The following TMEM135 variants were observed in gnomAD, a reference collection of about 807,000 sequenced individuals.
TMEM135 encodes transmembrane protein 135.
TMEM135 carries 30 observed loss-of-function variants against 60.3 expected under a neutral mutation model. The observed-to-expected ratio is 0.50, with a 90% CI of 0.37 to 0.68. The LOEUF is 0.68. TMEM135 is among the 30% of genes least tolerant of loss of function. TMEM135 has a pLI of 0.00. For synonymous variants in TMEM135, 190 were observed against 186.7 expected, an observed-to-expected ratio of 1.02 and a Z score of -0.14; for missense variants, 468 against 548.8, an observed-to-expected ratio of 0.85 and a Z score of 1.47.
intron 3 of TMEM135, among the ~76,000 whole-genome samples, chr11:87,082,882 T>A (rs1857020539): frequency 6.6e-6 from 1 of 152,240 alleles, no homozygotes; most frequent in African/African-American, 2.4e-5. Flanking sequence ...TAGTGCAATC[T>A]TTACTCTGAG....
At chr11:87,177,092 C>G (rs183317915) in intron 5 of TMEM135, among the ~76,000 whole-genome samples, 1 of 152,050 alleles carries the variant, frequency 6.6e-6, no homozygotes, top group East Asian at 1.9e-4. Context: ...CACAGTTGAC[C>G]GTAAAATCTC....
chr11:87,044,537 GC>G (rs1338253430), intron 1 of TMEM135, among the ~76,000 whole-genome samples: 1 of 151,992 alleles, frequency 6.6e-6, no homozygotes, highest in Non-Finnish European at 1.5e-5. Flanking sequence ...TTTGATTTTT[GC>G]TTGAGACCTA....
intron 5 of TMEM135, among the ~76,000 whole-genome samples, chr11:87,213,141 G>A (rs888030712): frequency 3.3e-5 from 5 of 152,012 alleles, no homozygotes; most frequent in East Asian, 1.9e-4. Context: ...ATTTTATAGC[G>A]AAAATTTATG....
At chr11:87,312,719 T>A (rs1452474057) in intron 10 of TMEM135, among the ~76,000 whole-genome samples, 1 of 151,962 alleles carries the variant, frequency 6.6e-6, no homozygotes. Context: ...TATTTTTCAT[T>A]TTTTAAGACT....
In TMEM135 at chr11:87,288,209, G is replaced by T. The variant is rs374858995; in HGVS notation, c.510-7573G>T. Among the ~76,000 whole-genome samples, 4 of 152,078 alleles carry T rather than the reference G, an allele frequency of 2.6e-5. No homozygotes were observed. In the East Asian group the frequency reaches 7.7e-4, roughly 29 times the overall value. On this transcript the variant is annotated intron_variant, in intron 6 of 14. Coordinates refer to ENST00000305494, the MANE Select transcript of TMEM135 (RefSeq NM_022918.4). ...TTACTATTAATATTTTAGCACCAAT[G>T]CTAAATATAGCAATAATATTTTATC... is the stretch of plus-strand genomic sequence containing the variant.
At chr11:87,294,340 C>A (rs10898663) in intron 6 of TMEM135, among the ~76,000 whole-genome samples, 95,893 of 152,026 alleles carry the variant, frequency 0.63, 30,523 homozygotes, top group Non-Finnish European at 0.67. Flanking sequence ...GTGGCCTTTC[C>A]TACAGAAGAC....
chr11:87,321,425 A>C lies in TMEM135; in HGVS notation c.*92A>C, dbSNP rs766104909. On this transcript the variant is annotated 3_prime_UTR_variant, in exon 15 of 15. Transcript: ENST00000305494. The stretch of plus-strand genomic sequence containing the variant: ...AGGAGGGGGCCCAAGCTCGAACTTC[A>C]GTGTTATTTCAGTTAGAGATACTCT... The C allele has an allele frequency of 2.9e-6, 4 of 1,374,106 alleles. No individual in the cohort carries two copies. Among genetic ancestry groups the C allele is most frequent in the Non-Finnish European group, 4.1e-6 (4 of 965,944 alleles). 85.1% of individuals were successfully genotyped at this position (1,374,106 alleles called of 1,614,324 possible).
intron 2 of TMEM135, among the ~76,000 whole-genome samples, chr11:87,068,937 T>C (rs1414282864): frequency 6.6e-6 from 1 of 152,112 alleles, no homozygotes; most frequent in African/African-American, 2.4e-5. Flanking sequence ...TTTTATACTA[T>C]TGAACAAATC....
At chr11:87,102,950 G>A (rs968938253) in intron 4 of TMEM135, among the ~76,000 whole-genome samples, 1 of 151,784 alleles carries the variant, frequency 6.6e-6, no homozygotes, top group African/African-American at 2.4e-5. Flanking sequence ...CTTCCCTTGG[G>A]CTCTGTTAAC....
intron 6 of TMEM135, among the ~76,000 whole-genome samples, chr11:87,291,724 G>C (rs1942268225): frequency 6.6e-6 from 1 of 151,634 alleles, no homozygotes. Context: ...TGTGTTTTCT[G>C]TAGAGATGGG....
At chr11:87,081,478 G>GT (rs1352066941) in intron 3 of TMEM135, among the ~76,000 whole-genome samples, 1 of 151,822 alleles carries the variant, frequency 6.6e-6, no homozygotes, top group Non-Finnish European at 1.5e-5. Flanking sequence ...TATTGGATTT[G>GT]TTTTTTGTTT....
chr11:87,081,179 A>G (rs575418112), intron 3 of TMEM135, among the ~76,000 whole-genome samples: 22 of 151,656 alleles, frequency 1.5e-4, no homozygotes, highest in Non-Finnish European at 2.9e-4. Flanking sequence ...TAGATTATTT[A>G]GTTCATTAAC....
intron 4 of TMEM135, among the ~76,000 whole-genome samples, chr11:87,127,376 G>C (rs557962179): frequency 6.6e-6 from 1 of 152,096 alleles, no homozygotes; most frequent in Non-Finnish European, 1.5e-5. Context: ...GCCTTTCTGT[G>C]GGCTAATCAA....
chr11:87,072,725 G>A (rs1856794788), intron 3 of TMEM135, among the ~76,000 whole-genome samples: 1 of 151,974 alleles, frequency 6.6e-6, no homozygotes, highest in African/African-American at 2.4e-5. Flanking sequence ...ATTTTTTATT[G>A]TTATCAGCCT....
chr11:87,229,246 A>T (rs896654572), intron 5 of TMEM135, among the ~76,000 whole-genome samples: 1 of 152,150 alleles, frequency 6.6e-6, no homozygotes, highest in African/African-American at 2.4e-5. Context: ...AGTTTCAAAA[A>T]AACAAAATGG....
At chr11:87,230,210 A>G (rs765613637) in intron 5 of TMEM135, among the ~76,000 whole-genome samples, 2 of 152,126 alleles carry the variant, frequency 1.3e-5, no homozygotes, top group African/African-American at 2.4e-5. Flanking sequence ...TAAGAATATC[A>G]TACATAATTG....
chr11:87,143,518 G>A (rs1391524585), intron 4 of TMEM135, among the ~76,000 whole-genome samples: 1 of 152,032 alleles, frequency 6.6e-6, no homozygotes, highest in Non-Finnish European at 1.5e-5. Context: ...GAAACTTCAA[G>A]CCAGTAGGCT....
rs1401819601 is a variant in TMEM135, at chr11:87,323,414, A to G, written c.*2081A>G. 1 of 453,974 alleles carries G rather than the reference A, an allele frequency of 2.2e-6. No individual in the cohort carries two copies. The highest frequency in any genetic ancestry group is 1.6e-5 in the South Asian group (1 of 64,474). 28.1% of individuals were successfully genotyped at this position (453,974 alleles called of 1,614,324 possible). On this transcript the variant is annotated 3_prime_UTR_variant, in exon 15 of 15. Coordinates refer to ENST00000305494, the MANE Select transcript of TMEM135 (RefSeq NM_022918.4). ...TAGTTGTTTGAGCAAACACAAAGAA[A>G]CTTTGTGTTTTTGAAGACAATCAGA...
intron 4 of TMEM135, among the ~76,000 whole-genome samples, chr11:87,134,645 C>CTTAT (rs1257316963): frequency 5.3e-5 from 8 of 152,082 alleles, no homozygotes; most frequent in South Asian, 2.1e-4. Flanking sequence ...CCAGGCCTGG[C>CTTAT]TTATTTATTT....
Sources: gnomAD v4.1 joint callset for allele counts (sites outside exome capture counted in the v4.1 genomes callset) on GRCh38, gnomAD v4.1.1 for gene constraint, MANE v1.5 for transcripts, NCBI Gene and HGNC (gene_info 2026-07-23, HGNC 2026-07-21) for gene names.